FEZ1: variants seen among roughly 807,000 people sequenced by gnomAD.
The protein encoded by FEZ1 is fasciculation and elongation protein zeta-1.
FEZ1 carries 20 observed loss-of-function variants against 49.3 expected under a neutral mutation model. The ratio of observed to expected loss-of-function variants is 0.41; its 90% CI spans 0.29 to 0.59. FEZ1 has a LOEUF of 0.59. FEZ1 is among the 20% of genes least tolerant of loss of function. FEZ1 has a pLI of 0.36. For synonymous variants in FEZ1, 170 were observed against 180.9 expected (o/e 0.94, Z 0.48); for missense variants, 413 against 476.0 (o/e 0.87, Z 1.23).
rs1474163593 is a variant in FEZ1 at position 125,443,108 on chromosome 11, C to A, written c.*2987G>T. ...AAATCCTTTAATTGATGGAAACATA[C>A]CTCATTTATAGGCTGTATTTGCCAG... is the stretch of plus-strand genomic sequence containing the variant. On this transcript the variant is annotated 3_prime_UTR_variant, in exon 10 of 10. Transcript: ENST00000278919. 6.6e-6 allele frequency among the ~76,000 whole-genome samples: 1 copy of A among 152,076 alleles called. No homozygotes were observed. Among genetic ancestry groups the A allele is most frequent in the Non-Finnish European group, 1.5e-5 (1 of 68,016 alleles).
intron 3 of FEZ1, among the ~76,000 whole-genome samples, chr11:125,474,191 A>ATTTTTTTTTTT (rs34135138): frequency 1.2e-4 from 15 of 128,450 alleles, no homozygotes; most frequent in African/African-American, 3.3e-4. Flanking sequence ...TGCCAGGCTA[A>ATTTTTTTTTTT]TTTTTTTTTT....
intron 6 of FEZ1, 105 bp downstream of exon 6, chr11:125,455,729 AC>A: frequency 8.7e-7 from 1 of 1,152,948 alleles, no homozygotes; most frequent in South Asian, 1.2e-5. Flanking sequence ...GCTCACCACC[AC>A]TGCTCGGTAA....
chr11:125,488,703 A>G, intron 2 of FEZ1: 1 of 984,804 alleles, frequency 1.0e-6, no homozygotes, highest in Non-Finnish European at 1.2e-6. Flanking sequence ...ACAAAACAAA[A>G]CAAAAAAACA....
chr11:125,451,435 A>G (rs1177906479), intron 8 of FEZ1: 1 of 152,214 alleles, frequency 6.6e-6, no homozygotes, highest in Non-Finnish European at 1.5e-5. Flanking sequence ...CCCAGCAGGT[A>G]TCCATCCTCC....
chr11:125,463,556 T>C lies in FEZ1; in HGVS notation c.426A>G (p.Glu142=). 5 of 1,608,280 alleles carry C rather than the reference T, an allele frequency of 3.1e-6. No individual in the cohort carries two copies. The South Asian group carries it at 4.4e-5, about 14-fold the overall frequency. The change falls in exon 4 of 10, where the codon GAA becomes GAG. Residue 142 remains glutamate (E), a synonymous_variant. Coordinates refer to ENST00000278919, the MANE Select transcript of FEZ1 (RefSeq NM_005103.5). ...CACTCTTCTCATTGAACTCTTCCTC[T>C]TCTTTCTCATGGATCTGGAGAGGAG... ...NCSDTEIHEK[E]EEEFNEKSEN...
intron 5 of FEZ1, among the ~76,000 whole-genome samples, chr11:125,459,556 C>T (rs1957053215): frequency 6.6e-6 from 1 of 152,158 alleles, no homozygotes; most frequent in Non-Finnish European, 1.5e-5. Context: ...CATGCCACTG[C>T]ACTCTAGCCT....
intron 1 of FEZ1, among the ~76,000 whole-genome samples, chr11:125,493,432 A>C (rs946506820): frequency 1.1e-4 from 4 of 37,750 alleles, no homozygotes; most frequent in African/African-American, 8.9e-4. Context: ...GAAGGAAAGA[A>C]GGAAAGAAGG....
chr11:125,488,803 C>T, intron 2 of FEZ1: 1 of 985,408 alleles, frequency 1.0e-6, no homozygotes, highest in Non-Finnish European at 1.2e-6. Context: ...ACCCCCTTCT[C>T]TTTCTAGTCC....
chr11:125,481,603 G>C lies in FEZ1; in HGVS notation c.342C>G (p.Ile114Met). 1.9e-6 allele frequency: 3 copies of C among 1,612,692 alleles called. No individual in the cohort carries two copies. The highest frequency in any genetic ancestry group is 2.5e-6 in the Non-Finnish European group (3 of 1,178,886). ...EVWDALTDNY[I>M]PSLSEDWRDP... ...CCCTCCAGTCTTCTGAGAGTGAAGG[G>C]ATGTAATTGTCTGTCAGAGCATCCC... The change falls in exon 3 of 10, where the codon ATC (isoleucine) becomes ATG (methionine). Residue 114 changes from isoleucine to methionine, a missense_variant. Coordinates refer to ENST00000278919, the MANE Select transcript of FEZ1 (RefSeq NM_005103.5).
intron 1 of FEZ1, among the ~76,000 whole-genome samples, chr11:125,493,873 A>G (rs1263778378): frequency 5.9e-5 from 9 of 152,190 alleles, no homozygotes; most frequent in Non-Finnish European, 1.3e-4. Context: ...CACAGTCTAT[A>G]TGATTAACCA....
rs112585582 is a variant in FEZ1, at chr11:125,442,926, G to A, written c.*3169C>T. 0.1 allele frequency among the ~76,000 whole-genome samples: 15,308 copies of A among 151,744 alleles called. 998 individuals are homozygous for A. The highest frequency in any genetic ancestry group is 0.15 in the Non-Finnish European group (10,467 of 67,902). On this transcript the variant is annotated 3_prime_UTR_variant, in exon 10 of 10. Transcript: ENST00000278919. ...AATTTTTGTATTTTCAGTAGAGAGG[G>A]GGTTTCACCATGTTGGCCAGGCTGG...
intron 6 of FEZ1, chr11:125,455,543 C>T (rs768769743): frequency 1.6e-5 from 7 of 440,778 alleles, no homozygotes; most frequent in Non-Finnish European, 2.9e-5. Context: ...ACTCCCAACA[C>T]GAAATACCCT....
intron 3 of FEZ1, among the ~76,000 whole-genome samples, chr11:125,465,759 C>A (rs1957123170): frequency 6.6e-6 from 1 of 152,206 alleles, no homozygotes; most frequent in African/African-American, 2.4e-5. Context: ...CGTGCCCCAG[C>A]CTCTTCACCT....
At position 125,445,995 on chromosome 11, in the gene FEZ1, T is replaced by C; in HGVS notation, c.*100A>G. ...TTAATCCAGGTTAAGCTATACACGT[T>C]TAAATACATGTCGGAGGTTACATGG... is the stretch of plus-strand genomic sequence containing the variant. On this transcript the variant is annotated 3_prime_UTR_variant, in exon 10 of 10. Coordinates refer to ENST00000278919, the MANE Select transcript of FEZ1 (RefSeq NM_005103.5). This position sits in a 1 kb window ranked among gnomAD's most constrained non-coding sequence, Gnocchi z 4.4. 8.2e-7 allele frequency: 1 copy of C among 1,223,788 alleles called. No homozygotes were observed. The highest frequency in any genetic ancestry group is 1.2e-5 in the South Asian group (1 of 82,884). 75.8% of individuals were successfully genotyped at this position (1,223,788 alleles called of 1,614,324 possible). A position where few individuals can be genotyped will look rare whatever the true frequency, so the allele number is the denominator to read the frequency against.
rs901190786 is a variant in FEZ1, at chr11:125,444,324, G to A, written c.*1771C>T. Among the ~76,000 whole-genome samples, 1 of 152,182 alleles carries A rather than the reference G, an allele frequency of 6.6e-6. No homozygotes were observed. Among genetic ancestry groups the A allele is most frequent in the African/African-American group, 2.4e-5 (1 of 41,460 alleles). Reference sequence around the variant, plus strand: ...AGCCGAGCTAGGCGCGGTGACTCACGCCTATAATCCCAGCACTTTGGGAAG... The same window carrying A: ...AGCCGAGCTAGGCGCGGTGACTCACACCTATAATCCCAGCACTTTGGGAAG... On this transcript the variant is annotated 3_prime_UTR_variant, in exon 10 of 10. Coordinates refer to ENST00000278919, the MANE Select transcript of FEZ1 (RefSeq NM_005103.5).
intron 3 of FEZ1, among the ~76,000 whole-genome samples, chr11:125,467,900 C>A (rs374296527): frequency 6.6e-6 from 1 of 152,108 alleles, no homozygotes; most frequent in Non-Finnish European, 1.5e-5. Context: ...ATCCAGACAA[C>A]CACTATCTGC....
Position 125,489,445 on chromosome 11 carries a change from G to T in FEZ1, c.311+22C>A. 6.3e-7 allele frequency: 1 copy of T among 1,595,686 alleles called. No homozygotes were observed. Among genetic ancestry groups the T allele is most frequent in the South Asian group, 1.1e-5 (1 of 87,518 alleles). ...TACAGGGCTCTCGACTGAAGCAGGA[G>T]AGGGCAATTAAGACTTCTTACTCCT... On this transcript the variant is annotated intron_variant, in intron 2 of 9. Coordinates refer to ENST00000278919, the MANE Select transcript of FEZ1 (RefSeq NM_005103.5). This position sits in a 1 kb window ranked among gnomAD's most constrained non-coding sequence, Gnocchi z 4.2.
chr11:125,456,824 T>G (rs761225438), intron 5 of FEZ1, among the ~76,000 whole-genome samples: 16 of 152,210 alleles, frequency 1.1e-4, no homozygotes, highest in Non-Finnish European at 2.4e-4. Flanking sequence ...TTTTTCTGTT[T>G]ACATGTTATA....
intron 1 of FEZ1, among the ~76,000 whole-genome samples, chr11:125,493,493 A>AGAAGGAAAGAAG (rs1483038342): frequency 2.9e-5 from 3 of 101,864 alleles, no homozygotes; most frequent in African/African-American, 4.4e-5. Context: ...AAAGAAGGAA[A>AGAAGGAAAGAAG]GAAAGAAAGA....
Sources: gnomAD v4.1 joint callset for allele counts (sites outside exome capture counted in the v4.1 genomes callset) on GRCh38, gnomAD v4.1.1 for gene constraint, Gnocchi (gnomAD v3.1) non-coding constraint, MANE v1.5 for transcripts, NCBI Gene and HGNC (gene_info 2026-07-23, HGNC 2026-07-21) for gene names.